KYNU: variants seen among roughly 807,000 people sequenced by gnomAD.
The protein encoded by KYNU is L-kynurenine hydrolase.
In KYNU, 54 loss-of-function variants were observed where a neutral mutation model predicts 59.2. That is an observed-to-expected ratio of 0.91 (90% CI 0.73 to 1.14). KYNU has a LOEUF of 1.14. Ranked by LOEUF, KYNU falls within the 50% of genes most tolerant of loss-of-function variation. KYNU has a pLI of 0.00. For synonymous variants in KYNU, 177 were observed against 192.0 expected, an observed-to-expected ratio of 0.92 and a Z score of 0.65; for missense variants, 567 against 554.4, an observed-to-expected ratio of 1.02 and a Z score of -0.23.
At chr2:143,032,426 G>A (rs975031347) in intron 11 of KYNU, among the ~76,000 whole-genome samples, 3 of 152,014 alleles carry the variant, frequency 2.0e-5, no homozygotes, top group Non-Finnish European at 2.9e-5. Context: ...TCCCACCCTC[G>A]ACATATGGGG....
In KYNU at chr2:142,885,450, G is replaced by A. The variant is rs766375772; in HGVS notation, c.83G>A (p.Arg28Lys). Residue 28 changes from arginine to lysine, a missense_variant, in exon 2 of 14, where the codon AGG becomes AAG. Physicochemically the swap from Arg to Lys is conservative, Grantham distance 26. Coordinates refer to ENST00000264170, the MANE Select transcript of KYNU (RefSeq NM_003937.3). ...AELKCHPTDE[R>K]VALHLDEEDK... is the part of the protein sequence containing the mutation. The stretch of plus-strand genomic sequence containing the variant: ...CTCAAATGCCACCCAACGGATGAGA[G>A]GGTGGCTCTCCACCTAGATGAGGAA... 1.2e-6 allele frequency: 2 copies of A among 1,614,084 alleles called. No homozygotes were observed. The highest frequency in any genetic ancestry group is 1.7e-6 in the Non-Finnish European group (2 of 1,179,990).
At chr2:142,891,307 T>C (rs1255065947) in intron 2 of KYNU, among the ~76,000 whole-genome samples, 1 of 152,180 alleles carries the variant, frequency 6.6e-6, no homozygotes. Flanking sequence ...AACAGTAATC[T>C]ACTGAACTTG....
intron 11 of KYNU, among the ~76,000 whole-genome samples, chr2:143,031,690 A>G (rs1446340652): frequency 6.6e-6 from 1 of 152,148 alleles, no homozygotes; most frequent in East Asian, 1.9e-4. Flanking sequence ...GAGCCACTGC[A>G]CTCAGGCCTG....
At position 143,048,480 on chromosome 2, in the gene KYNU, G is replaced by A. The variant is rs200278362; in HGVS notation, c.*6308G>A. On this transcript the variant is annotated 3_prime_UTR_variant, in exon 14 of 14. Transcript: ENST00000264170. ...CTCCTCTTTCTCTCTCTCTCTCTCT[G>A]TCTCTCTCTCTCTCACTAATGTTTG... The A allele has an allele frequency of 6.7e-6, 1 of 149,908 alleles. No individual in the cohort carries two copies. The highest frequency in any genetic ancestry group is 1.9e-4 in the East Asian group (1 of 5,150). The allele number at this position is 149,908 out of a possible 1,614,324, so 9.3% of individuals were successfully genotyped here.
rs1258226851 is a variant in KYNU, at chr2:142,947,212, C to T, written c.374-7598C>T. 2.6e-6 allele frequency: 4 copies of T among 1,550,618 alleles called. No individual in the cohort carries two copies. In the Admixed American group the frequency reaches 7.8e-5, roughly 30 times the overall value. ...GACACCTCTGAGGTTCCCAAGAAAA[C>T]TTCAGTGGAGTTCTCTAAACTGAAA... On this transcript the variant is annotated intron_variant, in intron 4 of 13. Transcript: ENST00000264170.
intron 10 of KYNU, among the ~76,000 whole-genome samples, chr2:143,009,708 C>T (rs1432939111): frequency 1.2e-4 from 12 of 98,144 alleles, no homozygotes; most frequent in African/African-American, 5.2e-4. Context: ...AAAGCTTATC[C>T]ACCATGATCA....
intron 10 of KYNU, among the ~76,000 whole-genome samples, chr2:143,020,842 T>C (rs1207459398): frequency 6.6e-6 from 1 of 152,230 alleles, no homozygotes; most frequent in African/African-American, 2.4e-5. Flanking sequence ...TGTTTATCTT[T>C]ATAACTTTGG....
At chr2:143,019,694 C>T (rs1218117666) in intron 10 of KYNU, among the ~76,000 whole-genome samples, 1 of 152,078 alleles carries the variant, frequency 6.6e-6, no homozygotes, top group African/African-American at 2.4e-5. Flanking sequence ...AAAGTATTCC[C>T]TCCTCTTAAA....
rs138647314 is a variant in KYNU at position 142,909,089 on chromosome 2, A to G, written c.170-9520A>G. Among the ~76,000 whole-genome samples the G allele has an allele frequency of 7.9e-5, 12 of 152,304 alleles. No homozygotes were observed. The East Asian group carries it at 2.3e-3, about 29-fold the overall frequency. On this transcript the variant is annotated intron_variant, in intron 2 of 13. Transcript: ENST00000264170. ...AGACTATCTGGTACTTGTATCTAAC[A>G]ATGTATTTACAATTGTGATCATATA...
Position 142,954,796 on chromosome 2 carries a change from T to A in KYNU, c.374-14T>A. The A allele has an allele frequency of 6.4e-7, 1 of 1,554,826 alleles. No individual in the cohort carries two copies. Among genetic ancestry groups the A allele is most frequent in the Non-Finnish European group, 8.9e-7 (1 of 1,126,358 alleles). On this transcript the variant is annotated splice_polypyrimidine_tract_variant and intron_variant, in intron 4 of 13. Coordinates refer to ENST00000264170, the MANE Select transcript of KYNU (RefSeq NM_003937.3). ...TAGTACAAACATCTAAATTACGATA[T>A]GTTTATTTTACAGGAGCCAATGAGA...
intron 2 of KYNU, among the ~76,000 whole-genome samples, chr2:142,908,040 A>G (rs34718911): frequency 0.028 from 4,213 of 152,318 alleles, 124 homozygotes; most frequent in African/African-American, 0.076. Context: ...TAATTTCTCA[A>G]TTAAACTTAC....
In KYNU at chr2:143,050,211, A is replaced by T. The variant is rs893592992; in HGVS notation, c.*8039A>T. The T allele has an allele frequency of 6.6e-6, 1 of 151,972 alleles. No individual in the cohort carries two copies. Among genetic ancestry groups the T allele is most frequent in the Admixed American group, 6.6e-5 (1 of 15,250 alleles). The allele number at this position is 151,972 out of a possible 1,614,324, so 9.4% of individuals were successfully genotyped here. A position where few individuals can be genotyped will look rare whatever the true frequency, so the allele number is the denominator to read the frequency against. On this transcript the variant is annotated 3_prime_UTR_variant, in exon 14 of 14. Transcript: ENST00000264170. Reference sequence around the variant, plus strand: ...TTTCTTCTAAAGAAAACCAGGATACATGTGCAGAACCTGCAGGTTTGTTAC... The same window carrying T: ...TTTCTTCTAAAGAAAACCAGGATACTTGTGCAGAACCTGCAGGTTTGTTAC...
chr2:143,014,561 C>T (rs1686200711), intron 10 of KYNU, among the ~76,000 whole-genome samples: 2 of 152,108 alleles, frequency 1.3e-5, no homozygotes, highest in South Asian at 4.2e-4. Flanking sequence ...CTATAAGTTT[C>T]AGAAGTTTGT....
chr2:142,894,703 G>A (rs928685309), intron 2 of KYNU, among the ~76,000 whole-genome samples: 1 of 152,120 alleles, frequency 6.6e-6, no homozygotes, highest in Non-Finnish European at 1.5e-5. Context: ...TAGAAAATAG[G>A]TTTAAAATGA....
In KYNU at chr2:142,885,336, T is replaced by C. The variant is rs371656879; in HGVS notation, c.-19-13T>C. The C allele has an allele frequency of 1.2e-6, 2 of 1,607,928 alleles. No homozygotes were observed. Among genetic ancestry groups the C allele is most frequent in the African/African-American group, 2.7e-5 (2 of 74,798 alleles). ...TTATGGTGGCTAGATTATGTTTTAT[T>C]ATTCTCTTTCAGTTTTAGAGAACAA... On this transcript the variant is annotated splice_polypyrimidine_tract_variant and intron_variant, in intron 1 of 13. Transcript: ENST00000264170.
At chr2:142,985,234 C>A (rs927229110) in intron 9 of KYNU, 52 bp downstream of exon 9, 4 of 1,133,900 alleles carry the variant, frequency 3.5e-6, no homozygotes, top group South Asian at 1.2e-5. Flanking sequence ...TGACTTTAAT[C>A]TGAAGGAGAA....
intron 2 of KYNU, among the ~76,000 whole-genome samples, chr2:142,904,772 T>C (rs1249301752): frequency 6.6e-6 from 1 of 152,240 alleles, no homozygotes; most frequent in Non-Finnish European, 1.5e-5. Flanking sequence ...GTGTTCTCTA[T>C]GGTCCTTTCC....
intron 2 of KYNU, among the ~76,000 whole-genome samples, chr2:142,894,365 C>G (rs1294683482): frequency 6.6e-6 from 1 of 152,084 alleles, no homozygotes. Context: ...CAGTGCACCA[C>G]CAGGAAATTT....
rs765348171 is a variant in KYNU, at chr2:142,885,390, T to C, written c.23T>C (p.Leu8Pro). 6.2e-7 allele frequency: 1 copy of C among 1,614,098 alleles called. No homozygotes were observed. Among genetic ancestry groups the C allele is most frequent in the Non-Finnish European group, 8.5e-7 (1 of 1,180,012 alleles). Reference sequence around the variant, plus strand: ...GTAATGGAGCCTTCATCTCTTGAGCTGCCGGCTGACACAGTGCAGCGCATT... The same window carrying C: ...GTAATGGAGCCTTCATCTCTTGAGCCGCCGGCTGACACAGTGCAGCGCATT... MEPSSLELPADTVQRIAA... is the reference protein window; with the variant it reads MEPSSLEPPADTVQRIAA... Residue 8 changes from leucine (L) to proline (P), a missense_variant, in exon 2 of 14, where the codon CTG becomes CCG. Physicochemically the swap from Leu to Pro is moderately conservative, Grantham distance 98. Coordinates refer to ENST00000264170, the MANE Select transcript of KYNU (RefSeq NM_003937.3).
Sources: gnomAD v4.1 joint callset for allele counts (sites outside exome capture counted in the v4.1 genomes callset) on GRCh38, gnomAD v4.1.1 for gene constraint, MANE v1.5 for transcripts, NCBI Gene and HGNC (gene_info 2026-07-23, HGNC 2026-07-21) for gene names.